Variants in PYGO1 observed in about 807,000 individuals in gnomAD.
The protein encoded by PYGO1 is pygopus family PHD finger 1, also known as pygopus homolog 1.
Under a neutral mutation model 29.5 loss-of-function variants are expected in PYGO1, and 6 were observed. The ratio of observed to expected loss-of-function variants is 0.20; its 90% CI spans 0.11 to 0.40. The LOEUF is 0.40. Ranked by LOEUF, PYGO1 falls within the 10% of genes least tolerant of loss-of-function variation. The pLI is 1.00. For missense variants in PYGO1, 515 were observed against 514.9 expected, an observed-to-expected ratio of 1.00 and a Z score of 0.00; for synonymous variants, 186 against 180.5, an observed-to-expected ratio of 1.03 and a Z score of -0.24.
chr15:55,560,844 C>A (rs780931537), intron 1 of PYGO1, among the ~76,000 whole-genome samples: 33 of 152,128 alleles, frequency 2.2e-4, no homozygotes, highest in Non-Finnish European at 4.3e-4. Context: ...CACCTGCAGT[C>A]TCAGCTACTC....
At chr15:55,566,901 T>A (rs1286893994) in intron 1 of PYGO1, among the ~76,000 whole-genome samples, 2 of 152,038 alleles carry the variant, frequency 1.3e-5, no homozygotes, top group Non-Finnish European at 2.9e-5. Context: ...CAGCTAATAT[T>A]TTGTATTTTG....
rs1038764590 is a variant in PYGO1 at position 55,587,946 on chromosome 15, C to T, written c.-63G>A. The T allele has an allele frequency of 6.9e-7, 1 of 1,446,084 alleles. No homozygotes were observed. The highest frequency in any genetic ancestry group is 9.1e-7 in the Non-Finnish European group (1 of 1,095,552). 89.6% of individuals were successfully genotyped at this position (1,446,084 alleles called of 1,614,324 possible). A position where few individuals can be genotyped will look rare whatever the true frequency, so the allele number is the denominator to read the frequency against. ...GAATTCGGTCTCTTTGATGCTGCGG[C>T]GGCGGCTCCTCCTCCTCGCGGGGCC... On this transcript the variant is annotated 5_prime_UTR_variant, in exon 1 of 3. Coordinates refer to ENST00000563719, the MANE Select transcript of PYGO1 (RefSeq NM_001367806.1).
chr15:55,561,841 G>A (rs2058934144), intron 1 of PYGO1, among the ~76,000 whole-genome samples: 1 of 152,136 alleles, frequency 6.6e-6, no homozygotes, highest in South Asian at 2.1e-4. Context: ...TGCAACAAAT[G>A]CAAAAATTGA....
At chr15:55,548,328 A>C (rs559911143) in intron 2 of PYGO1, among the ~76,000 whole-genome samples, 1 of 152,176 alleles carries the variant, frequency 6.6e-6, no homozygotes, top group East Asian at 1.9e-4. Flanking sequence ...CCTAAGAACA[A>C]GCATTTTAAT....
At chr15:55,553,392 CT>C (rs2058888737) in intron 1 of PYGO1, among the ~76,000 whole-genome samples, 1 of 150,582 alleles carries the variant, frequency 6.6e-6, no homozygotes, top group Admixed American at 6.6e-5. Flanking sequence ...AGCAGCCAGA[CT>C]GCTTCCTTTT....
intron 1 of PYGO1, among the ~76,000 whole-genome samples, chr15:55,572,015 A>C (rs1035097040): frequency 3.3e-5 from 5 of 152,088 alleles, no homozygotes; most frequent in Admixed American, 1.3e-4. Flanking sequence ...TTATCTACAG[A>C]TTCAATATAA....
intron 1 of PYGO1, among the ~76,000 whole-genome samples, chr15:55,583,443 C>A (rs748624078): frequency 5.4e-4 from 81 of 149,692 alleles, no homozygotes; most frequent in Non-Finnish European, 9.0e-4. Context: ...GTCTTTCTGT[C>A]TACCATCAAG....
intron 1 of PYGO1, among the ~76,000 whole-genome samples, chr15:55,562,063 T>G (rs570394096): frequency 6.6e-6 from 1 of 152,178 alleles, no homozygotes; most frequent in East Asian, 1.9e-4. Context: ...AAAAAAGACA[T>G]TTATGCAGCC....
Position 55,587,908 on chromosome 15 carries a change from C to A in PYGO1, c.-25G>T, listed in dbSNP as rs75131234. The A allele has an allele frequency of 1.3e-3, 1,841 of 1,465,384 alleles. 37 individuals are homozygous for A. The East Asian group carries it at 0.044, about 35-fold the overall frequency. 90.8% of individuals were successfully genotyped at this position (1,465,384 alleles called of 1,614,324 possible). A position where few individuals can be genotyped will look rare whatever the true frequency, so the allele number is the denominator to read the frequency against. ...TTACAGACCGCAAAGCATGACTCCC[C>A]CCCAGGCCGCGGGAATTCGGTCTCT... On this transcript the variant is annotated 5_prime_UTR_variant, in exon 1 of 3. Coordinates refer to ENST00000563719, the MANE Select transcript of PYGO1 (RefSeq NM_001367806.1).
intron 1 of PYGO1, among the ~76,000 whole-genome samples, chr15:55,576,121 T>C (rs2059000448): frequency 6.6e-6 from 1 of 152,216 alleles, no homozygotes; most frequent in South Asian, 2.1e-4. Flanking sequence ...CCAGAAACTA[T>C]CATTACTATT....
chr15:55,565,347 ATC>A (rs58787843), intron 1 of PYGO1, among the ~76,000 whole-genome samples: 61 of 152,218 alleles, frequency 4.0e-4, no homozygotes, highest in Non-Finnish European at 6.6e-4. Context: ...TCATATTTTC[ATC>A]TGTTTTCATT....
intron 1 of PYGO1, among the ~76,000 whole-genome samples, chr15:55,582,039 T>C (rs1322763518): frequency 1.3e-5 from 2 of 151,782 alleles, no homozygotes; most frequent in Non-Finnish European, 2.9e-5. Context: ...AAATCAGCCC[T>C]CTACTAAACA....
intron 1 of PYGO1, among the ~76,000 whole-genome samples, chr15:55,584,439 C>T (rs1427913929): frequency 6.6e-6 from 1 of 152,140 alleles, no homozygotes; most frequent in Non-Finnish European, 1.5e-5. Context: ...AGTGCATTCC[C>T]ACTATATGGC....
intron 1 of PYGO1, among the ~76,000 whole-genome samples, chr15:55,578,848 G>T (rs951988988): frequency 1.2e-4 from 18 of 152,218 alleles, no homozygotes; most frequent in African/African-American, 3.6e-4. Flanking sequence ...AAATTTTGAT[G>T]AAGTCCAATT....
rs2058819792 is a variant in PYGO1, at chr15:55,539,406, T to C, written c.*6617A>G. 1 of 152,066 alleles carries C rather than the reference T, an allele frequency of 6.6e-6. No homozygotes were observed. Among genetic ancestry groups the C allele is most frequent in the Non-Finnish European group, 1.5e-5 (1 of 67,944 alleles). The allele number at this position is 152,066 out of a possible 1,614,324, so 9.4% of individuals were successfully genotyped here. A position where few individuals can be genotyped will look rare whatever the true frequency, so the allele number is the denominator to read the frequency against. On this transcript the variant is annotated 3_prime_UTR_variant, in exon 3 of 3. Transcript: ENST00000563719. The stretch of plus-strand genomic sequence containing the variant: ...AATCAGTTATCAAGCCAATTTCATT[T>C]GTCTGAGAATTGTAACCTGGTCATT...
At chr15:55,581,828 A>T (rs2059026069) in intron 1 of PYGO1, among the ~76,000 whole-genome samples, 1 of 151,742 alleles carries the variant, frequency 6.6e-6, no homozygotes, top group African/African-American at 2.4e-5. Flanking sequence ...AAACCAATAG[A>T]GGGTTACTGA....
Position 55,547,127 on chromosome 15 carries a change from C to T in PYGO1, c.156G>A (p.Leu52=), listed in dbSNP as rs774086359. ...GATTCGGTGGTGGAGCATACTCAGA[C>T]AATGGAGGGAAAGAAGGTCCCTGAA... The part of the protein sequence containing the change: ...ANTQGPSFPP[L]SEYAPPPNPN... Residue 52 remains leucine (L), a synonymous_variant, in exon 3 of 3, where the codon TTG becomes TTA. Transcript: ENST00000563719. 5.6e-6 allele frequency: 9 copies of T among 1,598,144 alleles called. No individual in the cohort carries two copies. Among genetic ancestry groups the T allele is most frequent in the Non-Finnish European group, 6.8e-6 (8 of 1,172,252 alleles).
intron 1 of PYGO1, among the ~76,000 whole-genome samples, chr15:55,565,533 A>T (rs10083592): frequency 1.3e-5 from 2 of 151,148 alleles, no homozygotes; most frequent in Non-Finnish European, 1.5e-5. Context: ...GTGAAACCCC[A>T]TCTCTACTAA....
rs1364085176 is a variant in PYGO1 at position 55,540,983 on chromosome 15, A to G, written c.*5040T>C. 1 of 152,156 alleles carries G rather than the reference A, an allele frequency of 6.6e-6. No homozygotes were observed. The highest frequency in any genetic ancestry group is 1.9e-4 in the East Asian group (1 of 5,200). The allele number at this position is 152,156 out of a possible 1,614,324, so 9.4% of individuals were successfully genotyped here. A position where few individuals can be genotyped will look rare whatever the true frequency, so the allele number is the denominator to read the frequency against. On this transcript the variant is annotated 3_prime_UTR_variant, in exon 3 of 3. Coordinates refer to ENST00000563719, the MANE Select transcript of PYGO1 (RefSeq NM_001367806.1). ...CTTTTATAAAAGATAATATTTTGAC[A>G]AACAAGCAACATCATCTACACATCT... is the stretch of plus-strand genomic sequence containing the variant.
Sources: allele counts gnomAD v4.1 joint callset (sites outside exome capture counted in the v4.1 genomes callset), GRCh38; gene constraint gnomAD v4.1.1; transcripts MANE v1.5; gene names NCBI Gene and HGNC (gene_info 2026-07-23, HGNC 2026-07-21).